The following ATF2 variants were observed in gnomAD, a reference collection of about 807,000 sequenced individuals.
ATF2 encodes cyclic AMP-dependent transcription factor ATF-2.
Under a neutral mutation model 60.6 loss-of-function variants are expected in ATF2, and 24 were observed. That is an observed-to-expected ratio of 0.40 (90% CI 0.29 to 0.56). The LOEUF is 0.56. Ranked by LOEUF, ATF2 falls within the 20% of genes least tolerant of loss-of-function variation. The pLI, the probability that ATF2 is intolerant of heterozygous loss-of-function variation, is 0.54. For synonymous variants in ATF2, 206 were observed against 215.4 expected, an observed-to-expected ratio of 0.96 and a Z score of 0.38; for missense variants, 433 against 607.7, an observed-to-expected ratio of 0.71 and a Z score of 3.02.
At chr2:175,103,572 A>C (rs1695448457) in intron 10 of ATF2, among the ~76,000 whole-genome samples, 1 of 152,094 alleles carries the variant, frequency 6.6e-6, no homozygotes, top group Non-Finnish European at 1.5e-5. Flanking sequence ...AGGTTTCTGA[A>C]CATTTGCCAA....
intron 12 of ATF2, 37 bp from the exon 13 acceptor site, chr2:175,080,802 T>A: frequency 6.7e-7 from 1 of 1,499,472 alleles, no homozygotes; most frequent in Middle Eastern, 1.7e-4. Context: ...TACCACAGAC[T>A]AAACATATTT....
At chr2:175,111,329 AAAC>A (rs755169056) in intron 10 of ATF2, among the ~76,000 whole-genome samples, 10 of 152,238 alleles carry the variant, frequency 6.6e-5, no homozygotes, top group African/African-American at 2.2e-4. Context: ...AAAGCCAGAC[AAAC>A]AACAAGTGAC....
chr2:175,114,990 T>C, intron 7 of ATF2, 122 bp from the exon 8 acceptor site: 1 of 796,052 alleles, frequency 1.3e-6, no homozygotes, highest in Non-Finnish European at 1.8e-6. Context: ...AGCAAATTAA[T>C]ATCTCAAATT....
intron 10 of ATF2, among the ~76,000 whole-genome samples, chr2:175,108,735 A>AG (rs1194383550): frequency 1.3e-5 from 2 of 152,166 alleles, no homozygotes; most frequent in African/African-American, 4.8e-5. Flanking sequence ...GGAATAGAAA[A>AG]GGGGGAAAGG....
At chr2:175,162,990 C>T (rs557193549) in intron 1 of ATF2, among the ~76,000 whole-genome samples, 1 of 151,838 alleles carries the variant, frequency 6.6e-6, no homozygotes, top group African/African-American at 2.4e-5. Context: ...AAAAATTTGC[C>T]GGGCGTGGTG....
intron 2 of ATF2, among the ~76,000 whole-genome samples, chr2:175,149,995 T>C (rs35994385): frequency 0.039 from 5,972 of 152,266 alleles, 159 homozygotes; most frequent in Non-Finnish European, 0.057. Context: ...CAGGGTATGA[T>C]GACACAGACA....
At chr2:175,110,309 T>A (rs1257885933) in intron 10 of ATF2, among the ~76,000 whole-genome samples, 1 of 148,394 alleles carries the variant, frequency 6.7e-6, no homozygotes, top group Non-Finnish European at 1.5e-5. Context: ...TACTCCAGCC[T>A]GGGTGAGAGA....
Position 175,077,635 on chromosome 2 carries a change from A to C in ATF2, c.1292-2800T>G, listed in dbSNP as rs149111853. On this transcript the variant is annotated intron_variant, in intron 13 of 13. Coordinates refer to ENST00000264110, the MANE Select transcript of ATF2 (RefSeq NM_001880.4). ...ACGTAAATACATACTGGAGTCAACA[A>C]CTTAAAATGAAACAGTAAATTATAA... is the stretch of plus-strand genomic sequence containing the variant. 3.7e-3 allele frequency among the ~76,000 whole-genome samples: 571 copies of C among 152,296 alleles called. 6 individuals carry two copies. Among genetic ancestry groups the C allele is most frequent in the East Asian group, 0.032 (166 of 5,184 alleles).
intron 3 of ATF2, among the ~76,000 whole-genome samples, chr2:175,131,780 C>G (rs1054393923): frequency 2.0e-5 from 3 of 152,132 alleles, no homozygotes; most frequent in African/African-American, 7.2e-5. Context: ...AGTTCTCAAA[C>G]AGGATCCTCT....
rs1698916695 is a variant in ATF2, at chr2:175,145,955, C to T, written c.-44+5105G>A. 2.0e-5 allele frequency among the ~76,000 whole-genome samples: 3 copies of T among 152,060 alleles called. No homozygotes were observed. In the South Asian group the frequency reaches 6.2e-4, roughly 32 times the overall value. Reference sequence around the variant, plus strand: ...TATCATCTCAAAGTATTATATCTCCCTATACAGCTTAATTACTAAGGGCAA... The same window carrying T: ...TATCATCTCAAAGTATTATATCTCCTTATACAGCTTAATTACTAAGGGCAA... On this transcript the variant is annotated intron_variant, in intron 2 of 13. Coordinates refer to ENST00000264110, the MANE Select transcript of ATF2 (RefSeq NM_001880.4).
intron 10 of ATF2, among the ~76,000 whole-genome samples, chr2:175,101,290 T>C (rs1298451639): frequency 2.0e-5 from 3 of 151,974 alleles, no homozygotes; most frequent in African/African-American, 7.2e-5. Flanking sequence ...GTATTTAAAG[T>C]AGAAAGACCT....
intron 10 of ATF2, among the ~76,000 whole-genome samples, chr2:175,110,662 T>G (rs550520675): frequency 1.1e-3 from 161 of 152,308 alleles, no homozygotes; most frequent in African/African-American, 3.5e-3. Flanking sequence ...TGGAGTGCAA[T>G]AGTGCGATGC....
rs74545653 is a variant in ATF2 at position 175,094,057 on chromosome 2, C to T, written c.979-790G>A. ...TAGGTATCTTCAAGTCTTTCACAAA[C>T]CCCAAAACTGTGCCACAGAACAAAT... On this transcript the variant is annotated intron_variant, in intron 11 of 13. Coordinates refer to ENST00000264110, the MANE Select transcript of ATF2 (RefSeq NM_001880.4). Among the ~76,000 whole-genome samples the T allele has an allele frequency of 9.6e-3, 1,454 of 152,186 alleles. 9 individuals carry two copies. The highest frequency in any genetic ancestry group is 0.015 in the Non-Finnish European group (1,012 of 68,004).
intron 12 of ATF2, among the ~76,000 whole-genome samples, chr2:175,088,693 C>A (rs1193723189): frequency 1.3e-5 from 2 of 151,960 alleles, no homozygotes; most frequent in Admixed American, 6.6e-5. Context: ...TCAAGTTGTA[C>A]CCACAGAGTA....
chr2:175,141,775 G>A (rs1041630884), intron 2 of ATF2, among the ~76,000 whole-genome samples: 1 of 151,810 alleles, frequency 6.6e-6, no homozygotes, highest in Admixed American at 6.5e-5. Flanking sequence ...TTACAGGTGT[G>A]AGCCACCGTG....
intron 12 of ATF2, among the ~76,000 whole-genome samples, chr2:175,089,654 T>C (rs900813078): frequency 1.3e-5 from 2 of 152,224 alleles, no homozygotes; most frequent in Non-Finnish European, 1.5e-5. Context: ...ATTATAGGCA[T>C]GTTAACTCTT....
At chr2:175,162,636 T>C (rs1700095745) in intron 1 of ATF2, among the ~76,000 whole-genome samples, 1 of 152,046 alleles carries the variant, frequency 6.6e-6, no homozygotes, top group Non-Finnish European at 1.5e-5. Context: ...TTTTCAACTA[T>C]CAAGTAACAA....
At chr2:175,119,308 A>G (rs2105709031) in intron 5 of ATF2, among the ~76,000 whole-genome samples, 1 of 151,746 alleles carries the variant, frequency 6.6e-6, no homozygotes, top group South Asian at 2.1e-4. Context: ...TTTACAGGCT[A>G]TAGCAGGGAT....
intron 3 of ATF2, among the ~76,000 whole-genome samples, chr2:175,131,396 G>A (rs544840064): frequency 3.7e-4 from 57 of 152,268 alleles, no homozygotes; most frequent in Middle Eastern, 3.4e-3. Context: ...AAAGGGCAGT[G>A]CCCTGAAAAG....
Sources: allele counts gnomAD v4.1 joint callset (sites outside exome capture counted in the v4.1 genomes callset), GRCh38; gene constraint gnomAD v4.1.1; transcripts MANE v1.5; gene names NCBI Gene and HGNC (gene_info 2026-07-23, HGNC 2026-07-21).